Variants in DNAI3 observed in about 807,000 individuals in gnomAD.
The protein encoded by DNAI3 is WD repeat domain 63.
Under a neutral mutation model 115.5 loss-of-function variants are expected in DNAI3, and 83 were observed. That is an observed-to-expected ratio of 0.72 (90% CI 0.60 to 0.86). The LOEUF (loss-of-function observed/expected upper bound fraction) is 0.86, where lower values mean the gene tolerates loss of function less well. Ranked by LOEUF, DNAI3 falls within the 40% of genes least tolerant of loss-of-function variation. The pLI, the probability that DNAI3 is intolerant of heterozygous loss-of-function variation, is 0.00. For synonymous variants in DNAI3, 320 were observed against 347.0 expected (o/e 0.92, Z 0.86); for missense variants, 1,004 against 1,075.8 (o/e 0.93, Z 0.93).
Position 85,081,265 on chromosome 1 carries a change from C to T in DNAI3, c.135C>T (p.Thr45=), listed in dbSNP as rs1654623710. The change falls in exon 4 of 23, where the codon ACC becomes ACT. Residue 45 remains threonine (T), a synonymous_variant. Transcript: ENST00000294664. ...CAGAAATTTATCCTTTAGTATTAAC[C>T]ACCAAGACCCAAGAAATATTTAACT... ...GHPEIYPLVL[T]TKTQEIFNCR... is the part of the protein sequence containing the mutation. The T allele has an allele frequency of 6.3e-6, 10 of 1,595,962 alleles. No individual in the cohort carries two copies. The highest frequency in any genetic ancestry group is 1.1e-5 in the South Asian group (1 of 87,256).
chr1:85,103,826 G>T (rs1193352897), intron 13 of DNAI3, among the ~76,000 whole-genome samples: 1 of 151,246 alleles, frequency 6.6e-6, no homozygotes, highest in African/African-American at 2.4e-5. Context: ...GGCTGAGGTT[G>T]CAGTGAGCTG....
chr1:85,064,546 C>T (rs529256115), intron 1 of DNAI3, among the ~76,000 whole-genome samples: 1 of 152,074 alleles, frequency 6.6e-6, no homozygotes, highest in Non-Finnish European at 1.5e-5. Flanking sequence ...TACCAGAGGC[C>T]CAAGATGTTA....
intron 22 of DNAI3, 137 bp downstream of exon 22, chr1:85,130,249 G>A: frequency 8.1e-7 from 1 of 1,241,552 alleles, no homozygotes; most frequent in Non-Finnish European, 1.1e-6. Context: ...AGTCAAGAGG[G>A]CATTCCTTTG....
chr1:85,072,845 C>T (rs909107243), intron 2 of DNAI3, among the ~76,000 whole-genome samples: 1 of 149,202 alleles, frequency 6.7e-6, no homozygotes, highest in Non-Finnish European at 1.5e-5. Context: ...GTCCCAGCTA[C>T]TCGGGAGGCT....
At chr1:85,090,509 A>C (rs528412517) in intron 8 of DNAI3, among the ~76,000 whole-genome samples, 69 of 152,316 alleles carry the variant, frequency 4.5e-4, no homozygotes, top group Non-Finnish European at 8.2e-4. Flanking sequence ...ACTTGTATTT[A>C]CCATGGTTAC....
intron 16 of DNAI3, among the ~76,000 whole-genome samples, chr1:85,112,876 C>T (rs1655698387): frequency 6.6e-6 from 1 of 152,214 alleles, no homozygotes; most frequent in South Asian, 2.1e-4. Flanking sequence ...TCAAGTGATT[C>T]TCATGCCTCA....
At position 85,062,967 on chromosome 1, in the gene DNAI3, A is replaced by T. The variant is rs184170852; in HGVS notation, c.-15+481A>T. Among the ~76,000 whole-genome samples, 5 of 152,348 alleles carry T rather than the reference A, an allele frequency of 3.3e-5. No homozygotes were observed. In the East Asian group the frequency reaches 9.6e-4, roughly 29 times the overall value. ...CTAGAGTAGATAAACAGTGAGGAAG[A>T]TGAACAGGGAACACAAACTCTTTGA... On this transcript the variant is annotated intron_variant, in intron 1 of 22. Transcript: ENST00000294664.
At position 85,085,843 on chromosome 1, in the gene DNAI3, A is replaced by AT; in HGVS notation, c.556dup (p.Ser186PhefsTer6). 6.2e-7 allele frequency: 1 copy of AT among 1,614,024 alleles called. No homozygotes were observed. Among genetic ancestry groups the AT allele is most frequent in the Non-Finnish European group, 8.5e-7 (1 of 1,179,968 alleles). On this transcript the variant is annotated frameshift_variant, in exon 7 of 23. Transcript: ENST00000294664. LOFTEE classifies it high-confidence loss of function. Reference sequence around the variant, plus strand: ...ACATGTGTTACAGATTACATATATGATTTCTCGAAAACGAAGTGAATTTGG... The same window carrying AT: ...ACATGTGTTACAGATTACATATATGATTTTCTCGAAAACGAAGTGAATTTGG...
intron 13 of DNAI3, chr1:85,099,203 T>C (rs1655212776): frequency 1.0e-6 from 1 of 971,016 alleles, no homozygotes; most frequent in Non-Finnish European, 1.2e-6. Context: ...ATGGGATCTA[T>C]AAATTTGGAA....
intron 7 of DNAI3, among the ~76,000 whole-genome samples, chr1:85,086,500 G>A (rs1268457466): frequency 1.3e-5 from 2 of 152,088 alleles, no homozygotes; most frequent in Admixed American, 6.5e-5. Flanking sequence ...GGAACTGTCT[G>A]CCTCTCCAGT....
intron 17 of DNAI3, 122 bp downstream of exon 17, chr1:85,117,981 G>A: frequency 8.2e-7 from 1 of 1,218,652 alleles, no homozygotes; most frequent in Non-Finnish European, 1.1e-6. Flanking sequence ...TCATATTTTA[G>A]TATGCTTGTT....
At position 85,090,230 on chromosome 1, in the gene DNAI3, A is replaced by G. The variant is rs751633679; in HGVS notation, c.855A>G (p.Ile285Met). 11 of 1,530,072 alleles carry G rather than the reference A, an allele frequency of 7.2e-6. No homozygotes were observed. Among genetic ancestry groups the G allele is most frequent in the Non-Finnish European group, 8.8e-6 (10 of 1,133,566 alleles). 94.8% of individuals were successfully genotyped at this position (1,530,072 alleles called of 1,614,324 possible). Residue 285 changes from isoleucine to methionine, a missense_variant and splice_region_variant, in exon 8 of 23, where the codon ATA becomes ATG. By Grantham distance (10) the Ile-to-Met change is conservative (BLOSUM62 1). Transcript: ENST00000294664. ...TTGATTTTCTTAACAATGCATCCAT[A>G]AGGTAAAAAATTGCATATTAAATTT... The part of the protein sequence containing the change: ...PLVDFLNNAS[I>M]SVEIALQQNE...
At chr1:85,075,209 G>A (rs183890951) in intron 3 of DNAI3, among the ~76,000 whole-genome samples, 66 of 152,084 alleles carry the variant, frequency 4.3e-4, no homozygotes, top group African/African-American at 1.5e-3. Flanking sequence ...GTATCTATGA[G>A]TGTACTTCAT....
At chr1:85,128,143 A>AG in intron 20 of DNAI3, among the ~76,000 whole-genome samples, 2 of 144,040 alleles carry the variant, frequency 1.4e-5, no homozygotes, top group Non-Finnish European at 3.0e-5. Flanking sequence ...AAAAAAAAAA[A>AG]AAAAAAAGAA....
chr1:85,084,302 A>G (rs1457720695), intron 5 of DNAI3, among the ~76,000 whole-genome samples: 2 of 146,092 alleles, frequency 1.4e-5, no homozygotes, highest in Admixed American at 6.9e-5. Context: ...AGAGATGTGT[A>G]TATATATCTT....
In DNAI3 at chr1:85,126,613, T is replaced by C. The variant is rs1176088272; in HGVS notation, c.2215T>C (p.Tyr739His). 1.2e-6 allele frequency: 2 copies of C among 1,614,146 alleles called. No homozygotes were observed. Residue 739 changes from tyrosine (Y) to histidine (H), a missense_variant, in exon 20 of 23, where the codon TAC becomes CAC. Coordinates refer to ENST00000294664, the MANE Select transcript of DNAI3 (RefSeq NM_145172.5). Reference protein sequence around the residue: ...GVFYIGREDGYIDIWDLLEKT... With the variant: ...GVFYIGREDGHIDIWDLLEKT... ...TTTCTACATCGGCCGAGAAGATGGA[T>C]ACATTGATATCTGGGACCTTCTGGA...
At chr1:85,114,467 G>T (rs559443667) in intron 16 of DNAI3, among the ~76,000 whole-genome samples, 1 of 152,246 alleles carries the variant, frequency 6.6e-6, no homozygotes, top group African/African-American at 2.4e-5. Flanking sequence ...CAATCTGGAT[G>T]ATTATTTTTT....
At position 85,066,314 on chromosome 1, in the gene DNAI3, C is replaced by CATT. The variant is rs1553164760; in HGVS notation, c.-15+3828_-15+3829insATT. On this transcript the variant is annotated intron_variant, in intron 1 of 22. Transcript: ENST00000294664. ...TAGACGAATTATCTCTTCTGCTACT[C>CATT]TTTTTTTTTTTTTTTTTTTTTTTTT... 3.8e-3 allele frequency among the ~76,000 whole-genome samples: 266 copies of CATT among 70,018 alleles called. 11 individuals carry two copies. Among genetic ancestry groups the CATT allele is most frequent in the Admixed American group, 5.1e-3 (27 of 5,300 alleles). 45.9% of individuals were successfully genotyped at this position (70,018 alleles called of 152,430 possible).
rs1656366871 is a variant in DNAI3 at position 85,132,536 on chromosome 1, A to G, written c.2533-319A>G. 1.3e-5 allele frequency among the ~76,000 whole-genome samples: 2 copies of G among 152,212 alleles called. 1 individual carries two copies. The highest frequency in any genetic ancestry group is 4.1e-4 in the South Asian group (2 of 4,832). ...TATGGACTCAGAAGAGGGGGATTTC[A>G]AAAGAATTCTGCAACCTCTAGGCTA... On this transcript the variant is annotated intron_variant, in intron 22 of 22. Coordinates refer to ENST00000294664, the MANE Select transcript of DNAI3 (RefSeq NM_145172.5).
Sources: gnomAD v4.1 joint callset for allele counts (sites outside exome capture counted in the v4.1 genomes callset) on GRCh38, gnomAD v4.1.1 for gene constraint, MANE v1.5 for transcripts, NCBI Gene and HGNC (gene_info 2026-07-23, HGNC 2026-07-21) for gene names.